Variants in ARHGAP8 observed in about 807,000 individuals in gnomAD.
ARHGAP8 encodes the protein rho GTPase-activating protein 8.
A neutral mutation model predicts 46.1 loss-of-function variants in ARHGAP8; 62 were observed. The ratio of observed to expected loss-of-function variants is 1.34; its 90% CI spans 1.10 to 1.66. The LOEUF is 1.66. Ranked by LOEUF, ARHGAP8 falls within the 40% of genes most tolerant of loss-of-function variation. ARHGAP8 has a pLI of 0.00. For synonymous variants in ARHGAP8, 375 were observed against 243.1 expected (o/e 1.54, Z -5.05); for missense variants, 923 against 568.4 (o/e 1.62, Z -6.34).
chr22:44,786,470 C>A lies in ARHGAP8; in HGVS notation c.-58C>A. 1 of 1,605,052 alleles carries A rather than the reference C, an allele frequency of 6.2e-7. No homozygotes were observed. The highest frequency in any genetic ancestry group is 8.5e-7 in the Non-Finnish European group (1 of 1,175,954). ...TCTTTGCCGCAGAGCTGCAGAGAGA[C>A]AAGGCGGCGGCGGCTGCTGTGCTGG... On this transcript the variant is annotated 5_prime_UTR_variant, in exon 2 of 12. Transcript: ENST00000356099.
chr22:44,842,365 C>A (rs759281695), intron 7 of ARHGAP8, among the ~76,000 whole-genome samples: 2 of 151,940 alleles, frequency 1.3e-5, no homozygotes, highest in Non-Finnish European at 2.9e-5. Context: ...TCAAAACAAA[C>A]AAACAAACAA....
intron 7 of ARHGAP8, among the ~76,000 whole-genome samples, chr22:44,834,515 GT>G (rs1171870531): frequency 2.2e-4 from 33 of 152,234 alleles, no homozygotes; most frequent in African/African-American, 7.9e-4. Flanking sequence ...GGCTTGTTAT[GT>G]GGTATAACAT....
chr22:44,804,987 G>A (rs4823383), intron 3 of ARHGAP8, among the ~76,000 whole-genome samples: 62,800 of 151,946 alleles, frequency 0.41, 13,168 homozygotes, highest in South Asian at 0.54. Context: ...ACCCCAGACA[G>A]TGAGGCTGGC....
intron 5 of ARHGAP8, among the ~76,000 whole-genome samples, chr22:44,821,428 C>CGG (rs66613335): frequency 3.1e-4 from 3 of 9,710 alleles, no homozygotes; most frequent in Admixed American, 2.5e-3. Flanking sequence ...GACTCCATCT[C>CGG]GAAAAAAAAA....
rs142120485 is a variant in ARHGAP8, at chr22:44,857,192, G to C, written c.878-2539G>C. Among the ~76,000 whole-genome samples the C allele has an allele frequency of 6.6e-3, 981 of 149,530 alleles. 147 individuals carry two copies. The highest frequency in any genetic ancestry group is 0.042 in the East Asian group (215 of 5,100). On this transcript the variant is annotated intron_variant, in intron 10 of 11. Coordinates refer to ENST00000356099, the MANE Select transcript of ARHGAP8 (RefSeq NM_181335.3). ...TGACCTCAGGTGATTCACCCACCTCGGCCTCTGAAAGTGCTGGTATTATAG... is the reference window on the plus strand; with the variant it reads ...TGACCTCAGGTGATTCACCCACCTCCGCCTCTGAAAGTGCTGGTATTATAG...
At chr22:44,845,809 G>T (rs117083152) in intron 8 of ARHGAP8, among the ~76,000 whole-genome samples, 253 of 152,290 alleles carry the variant, frequency 1.7e-3, no homozygotes, top group East Asian at 0.015. Context: ...GCTCTCCACA[G>T]CTCCTGAGGC....
Position 44,862,609 on chromosome 22 carries a change from C to T in ARHGAP8, c.*14C>T, listed in dbSNP as rs759129446. ...AGACGTCTCTAGTGTTGCGAACACT[C>T]TGTATATTTCGAGCTACCTCCCACA... On this transcript the variant is annotated 3_prime_UTR_variant, in exon 12 of 12. Transcript: ENST00000356099. 3 of 1,541,642 alleles carry T rather than the reference C, an allele frequency of 1.9e-6. No individual in the cohort carries two copies. Among genetic ancestry groups the T allele is most frequent in the Non-Finnish European group, 2.6e-6 (3 of 1,140,590 alleles).
chr22:44,811,645 C>G (rs1223193281), intron 4 of ARHGAP8, among the ~76,000 whole-genome samples: 1 of 152,174 alleles, frequency 6.6e-6, no homozygotes, highest in Non-Finnish European at 1.5e-5. Flanking sequence ...AGGCATCAAA[C>G]TACCCAAAAG....
chr22:44,803,229 C>G (rs1156968048), intron 3 of ARHGAP8, among the ~76,000 whole-genome samples: 1 of 152,140 alleles, frequency 6.6e-6, no homozygotes, highest in East Asian at 1.9e-4. Flanking sequence ...CTTGTACACT[C>G]CCAGTGCCAC....
chr22:44,862,625 A>G lies in ARHGAP8; in HGVS notation c.*30A>G, dbSNP rs780096879. On this transcript the variant is annotated 3_prime_UTR_variant, in exon 12 of 12. Transcript: ENST00000356099. Reference sequence around the variant, plus strand: ...GCGAACACTCTGTATATTTCGAGCTACCTCCCACACCTGTCTGTGCACTTG... The same window carrying G: ...GCGAACACTCTGTATATTTCGAGCTGCCTCCCACACCTGTCTGTGCACTTG... The G allele has an allele frequency of 1.3e-6, 2 of 1,522,162 alleles. No homozygotes were observed. The highest frequency in any genetic ancestry group is 2.1e-5 in the Admixed American group (1 of 47,768). 94.3% of individuals were successfully genotyped at this position (1,522,162 alleles called of 1,614,324 possible). A position where few individuals can be genotyped will look rare whatever the true frequency, so the allele number is the denominator to read the frequency against.
intron 6 of ARHGAP8, among the ~76,000 whole-genome samples, chr22:44,824,950 C>T (rs1379449938): frequency 1.3e-5 from 2 of 151,824 alleles, no homozygotes; most frequent in African/African-American, 4.8e-5. Context: ...TCTTTTCACC[C>T]GAAGGCTTTA....
At chr22:44,767,394 T>G (rs1172810567) in intron 1 of ARHGAP8, among the ~76,000 whole-genome samples, 3 of 152,196 alleles carry the variant, frequency 2.0e-5, no homozygotes, top group Admixed American at 2.0e-4. Context: ...CCCCCAGCAG[T>G]CCCTGCTGAA....
At chr22:44,856,966 G>A (rs1341504998) in intron 10 of ARHGAP8, among the ~76,000 whole-genome samples, 1 of 141,286 alleles carries the variant, frequency 7.1e-6, no homozygotes, top group Non-Finnish European at 1.5e-5. Flanking sequence ...TTGAGACGGA[G>A]TTTTGCTCTT....
chr22:44,821,292 T>A lies in ARHGAP8; in HGVS notation c.387-1079T>A, dbSNP rs541335177. 5.3e-5 allele frequency among the ~76,000 whole-genome samples: 8 copies of A among 152,180 alleles called. No individual in the cohort carries two copies. In the South Asian group the frequency reaches 1.5e-3, roughly 28 times the overall value. ...TAAAAATACAAAAATTAGCCAGGCG[T>A]GGTGGTGTGCACCTTAATCCCAGCT... On this transcript the variant is annotated intron_variant, in intron 5 of 11. Coordinates refer to ENST00000356099, the MANE Select transcript of ARHGAP8 (RefSeq NM_181335.3).
intron 7 of ARHGAP8, among the ~76,000 whole-genome samples, chr22:44,827,340 T>TTTG (rs1930600278): frequency 3.0e-5 from 3 of 100,160 alleles, no homozygotes; most frequent in Non-Finnish European, 5.9e-5. Flanking sequence ...GTGGTGGTTT[T>TTTG]TTTTTTTTTT....
intron 1 of ARHGAP8, among the ~76,000 whole-genome samples, chr22:44,762,651 C>A (rs560096591): frequency 4.7e-5 from 7 of 150,428 alleles, no homozygotes; most frequent in Admixed American, 4.0e-4. Flanking sequence ...TCAAGCGATT[C>A]TCCTGCCTCA....
chr22:44,801,733 G>T, intron 2 of ARHGAP8: 1 of 279,940 alleles, frequency 3.6e-6, no homozygotes. Flanking sequence ...GAGGTAGAGT[G>T]GCTACACCCT....
At position 44,848,876 on chromosome 22, in the gene ARHGAP8, A is replaced by T. The variant is rs1362191986; in HGVS notation, c.749-56A>T. 5.0e-6 allele frequency: 8 copies of T among 1,606,192 alleles called. No homozygotes were observed. In the South Asian group the frequency reaches 5.5e-5, roughly 11 times the overall value. Reference sequence around the variant, plus strand: ...CCCTGTGTCTCAGAGCTCGTTCTGCAGCGGCAGTGCCCAGGCCGGGGTGCA... The same window carrying T: ...CCCTGTGTCTCAGAGCTCGTTCTGCTGCGGCAGTGCCCAGGCCGGGGTGCA... On this transcript the variant is annotated intron_variant, in intron 9 of 11. Transcript: ENST00000356099.
intron 3 of ARHGAP8, among the ~76,000 whole-genome samples, chr22:44,803,597 G>A (rs1928709463): frequency 7.4e-6 from 1 of 134,352 alleles, no homozygotes; most frequent in Non-Finnish European, 1.6e-5. Flanking sequence ...CCCCTACTGT[G>A]GCTGTCCTCT....
Sources: gnomAD v4.1 joint callset for allele counts (sites outside exome capture counted in the v4.1 genomes callset) on GRCh38, gnomAD v4.1.1 for gene constraint, MANE v1.5 for transcripts, NCBI Gene and HGNC (gene_info 2026-07-23, HGNC 2026-07-21) for gene names.